Variants in FHOD3 observed in about 807,000 individuals in gnomAD.
FHOD3 encodes the protein FH1/FH2 domain-containing protein 3.
In FHOD3, 90 loss-of-function variants were observed where a neutral mutation model predicts 173.0. That is an observed-to-expected ratio of 0.52 (90% CI 0.44 to 0.62). The LOEUF (loss-of-function observed/expected upper bound fraction) is 0.62, where lower values mean the gene tolerates loss of function less well. FHOD3 is among the 20% of genes least tolerant of loss of function. FHOD3 has a pLI of 0.00. For missense variants in FHOD3, 1,945 were observed against 2,034.7 expected, an observed-to-expected ratio of 0.96 and a Z score of 0.85; for synonymous variants, 828 against 823.0, an observed-to-expected ratio of 1.01 and a Z score of -0.10.
At chr18:36,387,074 C>A (rs1443277884) in intron 3 of FHOD3, among the ~76,000 whole-genome samples, 1 of 152,092 alleles carries the variant, frequency 6.6e-6, no homozygotes, top group Non-Finnish European at 1.5e-5. Flanking sequence ...AAATACCCTC[C>A]CCACCCCAAA....
intron 24 of FHOD3, among the ~76,000 whole-genome samples, chr18:36,748,738 C>T (rs1047855993): frequency 6.6e-5 from 10 of 152,168 alleles, no homozygotes; most frequent in African/African-American, 1.7e-4. Context: ...AGGTGGTACC[C>T]GGAAGTGGCC....
chr18:36,692,608 G>T (rs1453871107), intron 16 of FHOD3, among the ~76,000 whole-genome samples: 2 of 152,170 alleles, frequency 1.3e-5, no homozygotes, highest in African/African-American at 2.4e-5. Flanking sequence ...GTGACGTCAG[G>T]TTCAAGCTAT....
chr18:36,560,436 A>G (rs182113934), intron 5 of FHOD3, among the ~76,000 whole-genome samples: 327 of 152,260 alleles, frequency 2.1e-3, no homozygotes, highest in African/African-American at 7.7e-3. Context: ...CCTCAAACAC[A>G]AGTTTCTTTG....
chr18:36,416,044 A>AT (rs1408019619), intron 3 of FHOD3, among the ~76,000 whole-genome samples: 7 of 152,030 alleles, frequency 4.6e-5, no homozygotes, highest in Non-Finnish European at 1.5e-5. Context: ...TTTTTTATTT[A>AT]TTTTTTTGAG....
chr18:36,317,698 T>G (rs2044197373), intron 1 of FHOD3, among the ~76,000 whole-genome samples: 1 of 152,266 alleles, frequency 6.6e-6, no homozygotes, highest in African/African-American at 2.4e-5. Flanking sequence ...TTGCTGATAG[T>G]TTCTTTTGCT....
rs1319704842 is a variant in FHOD3 at position 36,297,721 on chromosome 18, G to A, written c.-115G>A. 9.9e-6 allele frequency: 7 copies of A among 709,602 alleles called. No individual in the cohort carries two copies. The African/African-American group carries it at 1.2e-4, about 12-fold the overall frequency. The allele number at this position is 709,602 out of a possible 1,614,324, so 44.0% of individuals were successfully genotyped here. The stretch of plus-strand genomic sequence containing the variant: ...TGCAGCCCGGCGCGCCTGAGCCTGC[G>A]AGTCCGCGAGCCAGCGAGCTGCGGC... On this transcript the variant is annotated 5_prime_UTR_variant, in exon 1 of 29. Coordinates refer to ENST00000590592, the MANE Select transcript of FHOD3 (RefSeq NM_001281740.3).
intron 3 of FHOD3, among the ~76,000 whole-genome samples, chr18:36,486,441 C>T (rs553122337): frequency 6.6e-6 from 1 of 152,344 alleles, no homozygotes; most frequent in East Asian, 1.9e-4. Flanking sequence ...TAGCTTACTG[C>T]AGCCTCAATC....
At chr18:36,607,856 T>C (rs897956686) in intron 8 of FHOD3, among the ~76,000 whole-genome samples, 9 of 152,236 alleles carry the variant, frequency 5.9e-5, no homozygotes, top group African/African-American at 2.2e-4. Flanking sequence ...AGATGGTTTT[T>C]ATTCTGGTTT....
chr18:36,759,820 C>T (rs1206774447), intron 26 of FHOD3, among the ~76,000 whole-genome samples: 1 of 152,260 alleles, frequency 6.6e-6, no homozygotes, highest in Non-Finnish European at 1.5e-5. Context: ...AGCCAGCAGT[C>T]TGTGGAGGTG....
At chr18:36,710,307 C>T (rs1238716004) in intron 18 of FHOD3, 1 of 152,214 alleles carries the variant, frequency 6.6e-6, no homozygotes, top group Admixed American at 6.5e-5. Flanking sequence ...GGAGTCATGT[C>T]TTATGGGCCA....
At position 36,447,163 on chromosome 18, in the gene FHOD3, A is replaced by T. The variant is rs2051535492; in HGVS notation, c.338-54769A>T. On this transcript the variant is annotated intron_variant, in intron 3 of 28. Transcript: ENST00000590592. ...TCCTCAAACCACAACCTCCAGGAAG[A>T]GTTGAGGGAGGGCCCTAACTGCCTG... 3.9e-5 allele frequency among the ~76,000 whole-genome samples: 6 copies of T among 152,204 alleles called. No homozygotes were observed. The South Asian group carries it at 1.2e-3, about 31-fold the overall frequency.
intron 24 of FHOD3, among the ~76,000 whole-genome samples, chr18:36,753,169 T>A (rs888960697): frequency 1.3e-5 from 2 of 152,114 alleles, no homozygotes; most frequent in Non-Finnish European, 2.9e-5. Context: ...ACTGGATACC[T>A]TGTCAGGCCT....
intron 3 of FHOD3, among the ~76,000 whole-genome samples, chr18:36,480,022 T>C (rs1033484966): frequency 6.6e-6 from 1 of 152,166 alleles, no homozygotes; most frequent in African/African-American, 2.4e-5. Flanking sequence ...CCAGCCAAAT[T>C]GTTAAGATTT....
chr18:36,439,559 GTGTGTGTGTA>G (rs1329569380), intron 3 of FHOD3, among the ~76,000 whole-genome samples: 2 of 146,364 alleles, frequency 1.4e-5, no homozygotes, highest in Admixed American at 6.8e-5. Flanking sequence ...GTGTGTGTGT[GTGTGTGTGTA>G]TGTATGTAGT....
At chr18:36,578,452 C>G (rs1022511023) in intron 6 of FHOD3, among the ~76,000 whole-genome samples, 8 of 152,206 alleles carry the variant, frequency 5.3e-5, no homozygotes, top group African/African-American at 1.9e-4. Flanking sequence ...GGAATTATTA[C>G]AATTCAAGGT....
At position 36,625,641 on chromosome 18, in the gene FHOD3, G is replaced by T. The variant is rs754354392; in HGVS notation, c.1088G>T (p.Arg363Leu). 4.4e-6 allele frequency: 7 copies of T among 1,608,172 alleles called. No individual in the cohort carries two copies. Among genetic ancestry groups the T allele is most frequent in the Non-Finnish European group, 5.1e-6 (6 of 1,176,524 alleles). Reference protein sequence around the residue: ...EHRGLDRRRSRRHSVQSIKST... With the variant: ...EHRGLDRRRSLRHSVQSIKST... ...CGGGGCCTGGACCGCAGAAGGAGCCGCAGGCACTCGGTGCAGAGCATCAAG... is the reference window on the plus strand; with the variant it reads ...CGGGGCCTGGACCGCAGAAGGAGCCTCAGGCACTCGGTGCAGAGCATCAAG... The change falls in exon 10 of 29, where the codon CGC becomes CTC. Residue 363 changes from arginine (R) to leucine (L), a missense_variant. Physicochemically the swap from Arg to Leu is moderately radical, Grantham distance 102. This residue lies in a region of FHOD3 where 1,099 missense variants were observed against 1,051.2 expected (regional missense o/e 1.05). Coordinates refer to ENST00000590592, the MANE Select transcript of FHOD3 (RefSeq NM_001281740.3).
chr18:36,460,668 G>T (rs573039095), intron 3 of FHOD3, among the ~76,000 whole-genome samples: 10 of 152,320 alleles, frequency 6.6e-5, no homozygotes, highest in Non-Finnish European at 1.2e-4. Context: ...TCCCACTGCT[G>T]CCATGGGGTC....
At chr18:36,378,296 A>G (rs1050524382) in intron 3 of FHOD3, among the ~76,000 whole-genome samples, 3 of 152,132 alleles carry the variant, frequency 2.0e-5, no homozygotes, top group Admixed American at 6.5e-5. Context: ...TTTATACCCC[A>G]AGTCTGTGAC....
At chr18:36,637,834 G>A (rs1262119862) in intron 10 of FHOD3, among the ~76,000 whole-genome samples, 1 of 152,136 alleles carries the variant, frequency 6.6e-6, no homozygotes, top group Non-Finnish European at 1.5e-5. Flanking sequence ...GTACAGCATG[G>A]CAAACAATTG....
Sources: gnomAD v4.1 joint callset for allele counts (sites outside exome capture counted in the v4.1 genomes callset) on GRCh38, gnomAD v4.1.1 for gene constraint, gnomAD v4.1.1 regional missense constraint, MANE v1.5 for transcripts, NCBI Gene and HGNC (gene_info 2026-07-23, HGNC 2026-07-21) for gene names.